The following SNX29 variants were observed in gnomAD, a reference collection of about 807,000 sequenced individuals.
SNX29 encodes sorting nexin 29.
SNX29 carries 78 observed loss-of-function variants against 102.1 expected under a neutral mutation model. The ratio of observed to expected loss-of-function variants is 0.76; its 90% CI spans 0.64 to 0.92. SNX29 has a LOEUF of 0.92. SNX29 is among the 40% of genes least tolerant of loss of function. The probability of loss-of-function intolerance (pLI) is 0.00; values close to 1 mark genes in which losing one functional copy is unlikely to be tolerated. For missense variants in SNX29, 1,280 were observed against 1,061.7 expected (o/e 1.21, Z -2.86); for synonymous variants, 580 against 414.5 (o/e 1.40, Z -4.85).
chr16:12,567,174 G>T (rs189147249), intron 20 of SNX29, among the ~76,000 whole-genome samples: 9 of 152,208 alleles, frequency 5.9e-5, no homozygotes, highest in Non-Finnish European at 8.8e-5. Context: ...GGATGTTCCT[G>T]ATCTGACATT....
At chr16:12,257,690 ATTTTT>A (rs33963423) in intron 14 of SNX29, among the ~76,000 whole-genome samples, 1 of 140,972 alleles carries the variant, frequency 7.1e-6, no homozygotes, top group Non-Finnish European at 1.5e-5. Context: ...CTTATTTAAA[ATTTTT>A]TTTTTTTTTT....
chr16:12,488,504 T>C (rs1330215242), intron 19 of SNX29, among the ~76,000 whole-genome samples: 5 of 152,094 alleles, frequency 3.3e-5, no homozygotes, highest in Non-Finnish European at 7.4e-5. Flanking sequence ...CTTACTTGAG[T>C]CTTTGCCTTC....
intron 13 of SNX29, among the ~76,000 whole-genome samples, chr16:12,190,452 T>A (rs1044028950): frequency 1.3e-5 from 2 of 152,088 alleles, no homozygotes; most frequent in African/African-American, 4.8e-5. Context: ...TAGAATACGC[T>A]GGGGGCAGAG....
intron 16 of SNX29, among the ~76,000 whole-genome samples, chr16:12,389,807 A>T (rs1330999101): frequency 6.6e-6 from 1 of 152,204 alleles, no homozygotes; most frequent in East Asian, 1.9e-4. Flanking sequence ...AGGAGAGGCT[A>T]AAAACAACCA....
chr16:12,547,348 T>G (rs2077670804), intron 20 of SNX29, among the ~76,000 whole-genome samples: 1 of 152,300 alleles, frequency 6.6e-6, no homozygotes, highest in East Asian at 1.9e-4. Context: ...AAGGGAACTC[T>G]AGCTGCCATG....
intron 13 of SNX29, among the ~76,000 whole-genome samples, chr16:12,191,794 C>T (rs769400784): frequency 2.6e-5 from 4 of 152,168 alleles, no homozygotes; most frequent in African/African-American, 7.2e-5. Flanking sequence ...ACCACAAAGC[C>T]AGGCGATTTA....
chr16:12,472,544 C>CAAAAAAAAAAAAAAAAAAAAAAAAAAAA (rs568390260), intron 18 of SNX29, among the ~76,000 whole-genome samples: 3 of 115,622 alleles, frequency 2.6e-5, no homozygotes, highest in African/African-American at 6.8e-5. Context: ...AAAAAAAAAA[C>CAAAAAAAAAAAAAAAAAAAAAAAAAAAA]AAAAAAAAAA....
intron 15 of SNX29, among the ~76,000 whole-genome samples, chr16:12,283,809 A>G (rs1323167720): frequency 6.6e-6 from 1 of 152,216 alleles, no homozygotes; most frequent in African/African-American, 2.4e-5. Flanking sequence ...AGGTAGGGTT[A>G]TACCCACAGG....
Position 12,413,166 on chromosome 16 carries a change from C to G in SNX29, c.2037+9637C>G, listed in dbSNP as rs55718658. On this transcript the variant is annotated intron_variant, in intron 18 of 20. Coordinates refer to ENST00000566228, the MANE Select transcript of SNX29 (RefSeq NM_032167.5). ...GGGAGTGTTGGGCCTGGGCAAGGTTCATCTCATTAGCTAAGTTCTAATGGA... is the reference window on the plus strand; with the variant it reads ...GGGAGTGTTGGGCCTGGGCAAGGTTGATCTCATTAGCTAAGTTCTAATGGA... 5.5e-3 allele frequency among the ~76,000 whole-genome samples: 836 copies of G among 152,190 alleles called. 12 individuals are homozygous for G. Among genetic ancestry groups the G allele is most frequent in the Non-Finnish European group, 1.0e-2 (680 of 68,008 alleles).
intron 19 of SNX29, among the ~76,000 whole-genome samples, chr16:12,514,892 G>C (rs1039854666): frequency 6.7e-6 from 1 of 149,868 alleles, no homozygotes; most frequent in Admixed American, 6.7e-5. Flanking sequence ...AAGAAAGAGA[G>C]AGAGAGAGGG....
intron 15 of SNX29, among the ~76,000 whole-genome samples, chr16:12,322,466 T>C (rs1382098961): frequency 6.6e-6 from 1 of 152,206 alleles, no homozygotes; most frequent in Non-Finnish European, 1.5e-5. Context: ...TATCCAATTG[T>C]TAAAAAGAAT....
intron 17 of SNX29, among the ~76,000 whole-genome samples, chr16:12,400,853 T>C (rs1567525178): frequency 6.6e-6 from 1 of 152,168 alleles, no homozygotes; most frequent in East Asian, 1.9e-4. Context: ...GACGGAGTCT[T>C]GCTCTGTCAC....
chr16:12,526,070 A>G (rs1482342376), intron 20 of SNX29, among the ~76,000 whole-genome samples: 3 of 152,248 alleles, frequency 2.0e-5, no homozygotes, highest in Non-Finnish European at 4.4e-5. Flanking sequence ...TTACCGTGAT[A>G]GAAACACAAA....
At chr16:12,477,591 G>A (rs2087714485) in intron 18 of SNX29, 128 bp from the exon 19 acceptor site, 3 of 1,064,516 alleles carry the variant, frequency 2.8e-6, no homozygotes, top group Non-Finnish European at 4.1e-6. Flanking sequence ...CAGGAACTGG[G>A]CATCCAGTGG....
intron 20 of SNX29, among the ~76,000 whole-genome samples, chr16:12,532,069 G>T (rs1049512648): frequency 4.6e-5 from 7 of 152,208 alleles, no homozygotes; most frequent in Non-Finnish European, 8.8e-5. Context: ...CCGTTTACAG[G>T]AACCAGGACA....
intron 11 of SNX29, among the ~76,000 whole-genome samples, chr16:12,106,460 C>T (rs568416832): frequency 1.3e-5 from 2 of 151,852 alleles, no homozygotes; most frequent in South Asian, 2.1e-4. Flanking sequence ...CTCCTCGGCC[C>T]CCTCCTTTTC....
chr16:12,155,490 T>C (rs1463404007), intron 13 of SNX29, among the ~76,000 whole-genome samples: 1 of 152,154 alleles, frequency 6.6e-6, no homozygotes, highest in East Asian at 1.9e-4. Context: ...GACCCTGGAC[T>C]CTTTCCATTG....
At chr16:12,057,425 G>T (rs1412876736) in intron 8 of SNX29, among the ~76,000 whole-genome samples, 1 of 152,132 alleles carries the variant, frequency 6.6e-6, no homozygotes, top group Admixed American at 6.5e-5. Flanking sequence ...CACAGGGGCT[G>T]ACCTCATAGA....
chr16:12,518,826 A>C (rs1301908046), intron 19 of SNX29, among the ~76,000 whole-genome samples: 1 of 152,180 alleles, frequency 6.6e-6, no homozygotes, highest in Non-Finnish European at 1.5e-5. Flanking sequence ...CAGAGATTGC[A>C]GGGGATTTCG....
Sources: gnomAD v4.1 joint callset for allele counts (sites outside exome capture counted in the v4.1 genomes callset) on GRCh38, gnomAD v4.1.1 for gene constraint, MANE v1.5 for transcripts, NCBI Gene and HGNC (gene_info 2026-07-23, HGNC 2026-07-21) for gene names.